Variants in UNC13C observed in about 807,000 individuals in gnomAD.
UNC13C encodes the protein protein unc-13 homolog C.
UNC13C carries 174 observed loss-of-function variants against 245.4 expected under a neutral mutation model. That is an observed-to-expected ratio of 0.71 (90% CI 0.63 to 0.80). The LOEUF (loss-of-function observed/expected upper bound fraction) is 0.80. Ranked by LOEUF, UNC13C falls within the 30% of genes least tolerant of loss-of-function variation. The pLI is 0.00. For missense variants in UNC13C, 2,829 were observed against 2,602.9 expected (o/e 1.09, Z -1.89); for synonymous variants, 992 against 895.1 (o/e 1.11, Z -1.93).
At chr15:54,202,413 C>G (rs113328151) in intron 4 of UNC13C, among the ~76,000 whole-genome samples, 1 of 151,962 alleles carries the variant, frequency 6.6e-6, no homozygotes, top group Non-Finnish European at 1.5e-5. Flanking sequence ...TACCCAAATT[C>G]AAACTATACT....
At chr15:54,440,422 C>T (rs1197628739) in intron 19 of UNC13C, among the ~76,000 whole-genome samples, 1 of 152,020 alleles carries the variant, frequency 6.6e-6, no homozygotes, top group Non-Finnish European at 1.5e-5. Flanking sequence ...TCTTTCTGTG[C>T]CTGGCTTATT....
chr15:54,159,511 A>C (rs907393400), intron 4 of UNC13C, among the ~76,000 whole-genome samples: 3 of 152,240 alleles, frequency 2.0e-5, no homozygotes, highest in African/African-American at 7.2e-5. Flanking sequence ...GTATTTAGCT[A>C]TGAAGATAGT....
intron 7 of UNC13C, among the ~76,000 whole-genome samples, chr15:54,241,695 T>C (rs1372244344): frequency 1.3e-5 from 2 of 152,228 alleles, no homozygotes; most frequent in African/African-American, 4.8e-5. Context: ...CTTTGTTTAG[T>C]CAAACCCTTC....
At chr15:54,325,169 C>A (rs988292440) in intron 14 of UNC13C, among the ~76,000 whole-genome samples, 1 of 151,728 alleles carries the variant, frequency 6.6e-6, no homozygotes, top group African/African-American at 2.4e-5. Context: ...GGAAGAGGTT[C>A]AATAATTGAG....
the UNC13C span, among the ~76,000 whole-genome samples, chr15:53,949,104 T>C: frequency 6.6e-6 from 1 of 152,328 alleles, no homozygotes; most frequent in African/African-American, 2.4e-5. Flanking sequence ...TAAGCAATTA[T>C]AATATAATAC....
In UNC13C at chr15:54,014,795, A is replaced by T. The variant is rs780233902; in HGVS notation, c.1892A>T (p.Asn631Ile). The change falls in exon 2 of 33, where the codon AAT becomes ATT. Residue 631 changes from asparagine to isoleucine, a missense_variant. Physicochemically the swap from Asn to Ile is moderately radical, Grantham distance 149. Transcript: ENST00000260323. ...GAAACTGTGGATAGTGGAATGAGTA[A>T]TGGCATGGTGTGTGCATCTGGAGAC... ...NTETVDSGMS[N>I]GMVCASGDRS... The T allele has an allele frequency of 6.2e-7, 1 of 1,613,892 alleles. No homozygotes were observed. Among genetic ancestry groups the T allele is most frequent in the Admixed American group, 1.7e-5 (1 of 60,000 alleles).
At chr15:54,120,649 G>T (rs1479166707) in intron 2 of UNC13C, among the ~76,000 whole-genome samples, 57 of 151,920 alleles carry the variant, frequency 3.8e-4, no homozygotes. Flanking sequence ...ATGAATCTAG[G>T]AAAAAGTCAA....
intron 17 of UNC13C, among the ~76,000 whole-genome samples, chr15:54,355,963 T>C (rs1220777654): frequency 6.6e-6 from 1 of 152,178 alleles, no homozygotes; most frequent in Non-Finnish European, 1.5e-5. Context: ...ATGAATCACC[T>C]TTTTTACACA....
intron 30 of UNC13C, among the ~76,000 whole-genome samples, chr15:54,612,612 T>G (rs1900175643): frequency 6.6e-6 from 1 of 152,056 alleles, no homozygotes; most frequent in Admixed American, 6.6e-5. Flanking sequence ...TGAATAATCG[T>G]GCTCTTTCTC....
intron 24 of UNC13C, among the ~76,000 whole-genome samples, chr15:54,521,986 T>G (rs945980334): frequency 1.3e-5 from 2 of 152,148 alleles, no homozygotes; most frequent in African/African-American, 4.8e-5. Context: ...TAAGAGAGCA[T>G]TTAGAGAGAA....
chr15:54,160,637 A>G (rs1273863783), intron 4 of UNC13C, among the ~76,000 whole-genome samples: 1 of 152,134 alleles, frequency 6.6e-6, no homozygotes, highest in Admixed American at 6.6e-5. Flanking sequence ...TCAAAAGTAT[A>G]GCTGTGGAAA....
At chr15:54,498,335 A>G (rs759798719) in intron 20 of UNC13C, among the ~76,000 whole-genome samples, 1 of 152,146 alleles carries the variant, frequency 6.6e-6, no homozygotes, top group Non-Finnish European at 1.5e-5. Flanking sequence ...CATGTATTAT[A>G]TATTCTTGAC....
intron 17 of UNC13C, among the ~76,000 whole-genome samples, chr15:54,342,395 T>G (rs1183703055): frequency 6.6e-6 from 1 of 152,104 alleles, no homozygotes; most frequent in East Asian, 1.9e-4. Flanking sequence ...CAAGACCCTA[T>G]CTCTACAATT....
intron 30 of UNC13C, among the ~76,000 whole-genome samples, chr15:54,573,576 C>A (rs1182797162): frequency 6.6e-6 from 1 of 152,074 alleles, no homozygotes; most frequent in East Asian, 1.9e-4. Context: ...ACTGAGTGTC[C>A]CCTCTGGGCT....
intron 19 of UNC13C, among the ~76,000 whole-genome samples, chr15:54,485,575 G>A (rs571996919): frequency 1.6e-4 from 24 of 152,256 alleles, no homozygotes; most frequent in Middle Eastern, 3.4e-3. Context: ...GATAGCAACC[G>A]AAGTCATGTT....
At chr15:54,350,111 C>G (rs1273420641) in intron 17 of UNC13C, among the ~76,000 whole-genome samples, 3 of 152,102 alleles carry the variant, frequency 2.0e-5, no homozygotes, top group African/African-American at 4.8e-5. Flanking sequence ...CCTGTCTCAG[C>G]CTCCCAAGTA....
intron 32 of UNC13C, among the ~76,000 whole-genome samples, chr15:54,625,544 A>G (rs1000689094): frequency 3.9e-5 from 6 of 152,174 alleles, no homozygotes; most frequent in African/African-American, 1.4e-4. Context: ...TAATTCAACA[A>G]ATATAAATAA....
chr15:54,459,574 G>C (rs777312733), intron 19 of UNC13C, among the ~76,000 whole-genome samples: 8 of 152,002 alleles, frequency 5.3e-5, no homozygotes, highest in Non-Finnish European at 1.0e-4. Flanking sequence ...AAATTTCTTG[G>C]AAGTTTTTTT....
chr15:54,310,008 G>A lies in UNC13C; in HGVS notation c.4268+9635G>A, dbSNP rs549253876. Among the ~76,000 whole-genome samples the A allele has an allele frequency of 6.4e-4, 97 of 151,706 alleles. 1 individual carries two copies. On this transcript the variant is annotated intron_variant, in intron 13 of 32. Transcript: ENST00000260323. ...TTTACTTGCAAAAGTAAAGTCAAAT[G>A]TTTTAATGTTAATCCATTGTTTTTA...
Sources: allele counts gnomAD v4.1 joint callset (sites outside exome capture counted in the v4.1 genomes callset), GRCh38; gene constraint gnomAD v4.1.1; transcripts MANE v1.5; gene names NCBI Gene and HGNC (gene_info 2026-07-23, HGNC 2026-07-21).